The following ABTB3 variants were observed in gnomAD, a reference collection of about 807,000 sequenced individuals.
ABTB3 encodes ankyrin repeat and BTB domain containing 3, also known as ankyrin repeat- and BTB/POZ domain-containing protein 3.
At chr12:107,406,585 C>T in the ABTB3 span, among the ~76,000 whole-genome samples, 2 of 152,126 alleles carry the variant, frequency 1.3e-5, no homozygotes, top group South Asian at 4.1e-4. Context: ...TCTCAACTAA[C>T]CCATAGCCAA....
chr12:107,560,566 C>T, the ABTB3 span, among the ~76,000 whole-genome samples: 1 of 152,206 alleles, frequency 6.6e-6, no homozygotes, highest in Non-Finnish European at 1.5e-5. Context: ...TCTATTCTCA[C>T]AGCAAAACCG....
chr12:107,594,030 A>T, the ABTB3 span, among the ~76,000 whole-genome samples: 1 of 152,212 alleles, frequency 6.6e-6, no homozygotes, highest in South Asian at 2.1e-4. Flanking sequence ...AGCAACACAT[A>T]AAAAAGGTAA....
At chr12:107,649,459 C>T in the ABTB3 span, 1 of 587,036 alleles carries the variant, frequency 1.7e-6, no homozygotes. Context: ...AAGGGCTTCT[C>T]ATCAGAGACC....
At chr12:107,650,114 C>T in the ABTB3 span, 1 of 146,258 alleles carries the variant, frequency 6.8e-6, no homozygotes, top group African/African-American at 2.5e-5. Flanking sequence ...TGTTCAAGAG[C>T]AGACCTCACA....
the ABTB3 span, among the ~76,000 whole-genome samples, chr12:107,557,011 C>CA: frequency 1.1e-3 from 162 of 143,148 alleles, 1 homozygote; most frequent in Admixed American, 4.2e-3. Context: ...GACTCTGTCT[C>CA]AAAAAAAAAA....
the ABTB3 span, among the ~76,000 whole-genome samples, chr12:107,508,444 T>TTTTTTTTTTG: frequency 0.066 from 5,061 of 76,716 alleles, 357 homozygotes; most frequent in Non-Finnish European, 0.075. Flanking sequence ...ATTTCTTTTT[T>TTTTTTTTTTG]TTTTTTTTTT....
the ABTB3 span, among the ~76,000 whole-genome samples, chr12:107,470,568 A>C: frequency 3.9e-5 from 6 of 152,132 alleles, no homozygotes; most frequent in Non-Finnish European, 8.8e-5. Context: ...CAGCCACAGG[A>C]ACCAGCATGG....
At chr12:107,657,602 C>T in the ABTB3 span, 2 of 1,614,200 alleles carry the variant, frequency 1.2e-6, no homozygotes, top group African/African-American at 1.3e-5. Flanking sequence ...CAAGCAGCTC[C>T]TGTATGACAA....
At chr12:107,521,366 C>T in the ABTB3 span, among the ~76,000 whole-genome samples, 1 of 151,444 alleles carries the variant, frequency 6.6e-6, no homozygotes, top group Non-Finnish European at 1.5e-5. Context: ...TGTGATAGTT[C>T]TTGTTATCAG....
chr12:107,446,260 G>A, the ABTB3 span, among the ~76,000 whole-genome samples: 1 of 152,142 alleles, frequency 6.6e-6, no homozygotes, highest in African/African-American at 2.4e-5. Flanking sequence ...GTGGCTGGGA[G>A]TTAGTCTGGG....
the ABTB3 span, among the ~76,000 whole-genome samples, chr12:107,422,496 G>A: frequency 0.021 from 3,156 of 152,336 alleles, 246 homozygotes; most frequent in Admixed American, 0.15. Flanking sequence ...AGTCTGCTAA[G>A]TGGAGAATAG....
At chr12:107,419,885 G>A in the ABTB3 span, among the ~76,000 whole-genome samples, 1 of 152,222 alleles carries the variant, frequency 6.6e-6, no homozygotes, top group Admixed American at 6.5e-5. Flanking sequence ...AGAGGGAGCA[G>A]CATGAACCAA....
At chr12:107,472,578 C>T in the ABTB3 span, among the ~76,000 whole-genome samples, 1 of 152,230 alleles carries the variant, frequency 6.6e-6, no homozygotes, top group Non-Finnish European at 1.5e-5. Flanking sequence ...ACTTCTCTCA[C>T]AGGGATGCTC....
At chr12:107,595,019 G>A in the ABTB3 span, among the ~76,000 whole-genome samples, 1 of 151,760 alleles carries the variant, frequency 6.6e-6, no homozygotes, top group African/African-American at 2.4e-5. Flanking sequence ...CCTCTTCTGT[G>A]TGACAGCCAA....
the ABTB3 span, among the ~76,000 whole-genome samples, chr12:107,392,555 A>G: frequency 2.0e-5 from 3 of 152,054 alleles, no homozygotes; most frequent in Non-Finnish European, 4.4e-5. Flanking sequence ...CGTCTTTCAG[A>G]GTGGGACCCT....
the ABTB3 span, among the ~76,000 whole-genome samples, chr12:107,585,278 T>G: frequency 6.6e-6 from 1 of 152,200 alleles, no homozygotes. Flanking sequence ...ATGGTTACTC[T>G]TTTTGCAAGT....
At chr12:107,617,746 A>G in the ABTB3 span, 1 of 382,672 alleles carries the variant, frequency 2.6e-6, no homozygotes, top group Non-Finnish European at 4.7e-6. Context: ...AGAAAAATCC[A>G]TTTAAAAAAT....
the ABTB3 span, among the ~76,000 whole-genome samples, chr12:107,442,921 C>T: frequency 6.6e-6 from 1 of 152,178 alleles, no homozygotes; most frequent in Non-Finnish European, 1.5e-5. Flanking sequence ...GATCAAGGCA[C>T]CAGCAGATTC....
At chr12:107,366,945 G>T in the ABTB3 span, among the ~76,000 whole-genome samples, 1 of 152,138 alleles carries the variant, frequency 6.6e-6, no homozygotes, top group Non-Finnish European at 1.5e-5. Flanking sequence ...GGCCTGAGCA[G>T]AACTTGTAGG....
Sources: allele counts gnomAD v4.1 joint callset (sites outside exome capture counted in the v4.1 genomes callset), GRCh38; gene constraint gnomAD v4.1.1; transcripts MANE v1.5; gene names NCBI Gene and HGNC (gene_info 2026-07-23, HGNC 2026-07-21).